IQCH: variants seen among roughly 807,000 people sequenced by gnomAD.
IQCH encodes the protein IQ motif containing H, also known as IQ domain-containing protein H.
IQCH carries 98 observed loss-of-function variants against 117.0 expected under a neutral mutation model. The observed-to-expected ratio is 0.84, with a 90% confidence interval of 0.71 to 0.99. The LOEUF (loss-of-function observed/expected upper bound fraction) is 0.99. Ranked by LOEUF, IQCH falls within the 50% of genes least tolerant of loss-of-function variation. IQCH has a pLI of 0.00. For synonymous variants in IQCH, 412 were observed against 448.2 expected, an observed-to-expected ratio of 0.92 and a Z score of 1.02; for missense variants, 1,102 against 1,243.8, an observed-to-expected ratio of 0.89 and a Z score of 1.72.
intron 4 of IQCH, among the ~76,000 whole-genome samples, chr15:67,323,590 T>C (rs1448693910): frequency 1.3e-5 from 2 of 152,166 alleles, no homozygotes; most frequent in Non-Finnish European, 2.9e-5. Context: ...TTAAATCTTT[T>C]ATGGCTTTTA....
chr15:67,473,406 G>A lies in IQCH; in HGVS notation c.2677-2290G>A, dbSNP rs1257737410. 6.6e-6 allele frequency among the ~76,000 whole-genome samples: 1 copy of A among 152,176 alleles called. No homozygotes were observed. The highest frequency in any genetic ancestry group is 1.5e-5 in the Non-Finnish European group (1 of 68,040). Reference sequence around the variant, plus strand: ...CCAATTATTCCTGCTTAGTCCACCAGAGCCATGCTGTCCTCCAGCAGGCAA... The same window carrying A: ...CCAATTATTCCTGCTTAGTCCACCAAAGCCATGCTGTCCTCCAGCAGGCAA... On this transcript the variant is annotated intron_variant, in intron 17 of 20. Coordinates refer to ENST00000335894, the MANE Select transcript of IQCH (RefSeq NM_001031715.3). This position sits in a 1 kb window ranked among gnomAD's most constrained non-coding sequence, Gnocchi z 4.9.
intron 5 of IQCH, among the ~76,000 whole-genome samples, chr15:67,343,056 TC>T (rs1393397026): frequency 6.6e-6 from 1 of 152,188 alleles, no homozygotes; most frequent in African/African-American, 2.4e-5. Flanking sequence ...CCTTCAGTGA[TC>T]ATTCTACTGA....
Position 67,279,479 on chromosome 15 carries a change from C to T in IQCH, c.354C>T (p.His118=). The change falls in exon 4 of 21, where the codon CAC becomes CAT. Residue 118 remains histidine (H), a synonymous_variant. Coordinates refer to ENST00000335894, the MANE Select transcript of IQCH (RefSeq NM_001031715.3). ...CATTTTGGCAACCCCAAAGACAGCACAGTTCATCTCTGCCTGTCTTTCCAA... is the reference window on the plus strand; with the variant it reads ...CATTTTGGCAACCCCAAAGACAGCATAGTTCATCTCTGCCTGTCTTTCCAA... The part of the protein sequence containing the change: ...EGTFWQPQRQ[H]SSSLPVFPRA... 6.2e-7 allele frequency: 1 copy of T among 1,604,108 alleles called. No individual in the cohort carries two copies. Among genetic ancestry groups the T allele is most frequent in the Non-Finnish European group, 8.5e-7 (1 of 1,173,538 alleles).
chr15:67,310,730 G>A (rs998792254), intron 4 of IQCH, among the ~76,000 whole-genome samples: 4 of 152,104 alleles, frequency 2.6e-5, no homozygotes, highest in African/African-American at 9.7e-5. Context: ...TACAATCTTT[G>A]ACAGTGCAAG....
In IQCH at chr15:67,443,890, GTAT is replaced by G. The variant is rs530676558; in HGVS notation, c.2506-21230_2506-21228del. 1.3e-5 allele frequency among the ~76,000 whole-genome samples: 2 copies of G among 152,174 alleles called. No individual in the cohort carries two copies. The highest frequency in any genetic ancestry group is 2.9e-5 in the Non-Finnish European group (2 of 68,032). On this transcript the variant is annotated intron_variant, in intron 16 of 20. Coordinates refer to ENST00000335894, the MANE Select transcript of IQCH (RefSeq NM_001031715.3). This position sits in a 1 kb window ranked among gnomAD's most constrained non-coding sequence, Gnocchi z 5.0. ...AACCCTAATCTTCACATCCTGAGAA[GTAT>G]TATTATCCCTAATTTACAAATGAGG... is the stretch of plus-strand genomic sequence containing the variant.
rs1046411900 is a variant in IQCH, at chr15:67,457,452, A to G, written c.2506-7675A>G. On this transcript the variant is annotated intron_variant, in intron 16 of 20. Transcript: ENST00000335894. The surrounding 1 kb of genome is among the most constrained non-coding windows in gnomAD (Gnocchi z 5.7). Reference sequence around the variant, plus strand: ...GGCCTGTATTTAAATAGCATCTGCAAAGAGTTAAATGTGCTCCCTGTCTCT... The same window carrying G: ...GGCCTGTATTTAAATAGCATCTGCAGAGAGTTAAATGTGCTCCCTGTCTCT... Among the ~76,000 whole-genome samples, 1 of 152,232 alleles carries G rather than the reference A, an allele frequency of 6.6e-6. No individual in the cohort carries two copies. The highest frequency in any genetic ancestry group is 1.5e-5 in the Non-Finnish European group (1 of 68,038).
At chr15:67,274,882 C>G (rs1029128496) in intron 3 of IQCH, among the ~76,000 whole-genome samples, 3 of 152,098 alleles carry the variant, frequency 2.0e-5, no homozygotes, top group African/African-American at 7.2e-5. Flanking sequence ...TAGATGGCAA[C>G]TTAAGCCCGG....
rs1377869795 is a variant in IQCH at position 67,458,497 on chromosome 15, C to T, written c.2506-6630C>T. ...ACTGGACTCCCTGTTTCCATCCTTG[C>T]CCCCTCAGGGCCTCTTGTCAATGCA... On this transcript the variant is annotated intron_variant, in intron 16 of 20. Transcript: ENST00000335894. This position sits in a 1 kb window ranked among gnomAD's most constrained non-coding sequence, Gnocchi z 4.1. Among the ~76,000 whole-genome samples, 1 of 152,240 alleles carries T rather than the reference C, an allele frequency of 6.6e-6. No individual in the cohort carries two copies. Among genetic ancestry groups the T allele is most frequent in the Non-Finnish European group, 1.5e-5 (1 of 68,046 alleles).
intron 4 of IQCH, among the ~76,000 whole-genome samples, chr15:67,300,098 G>T (rs1966950959): frequency 6.6e-6 from 1 of 151,930 alleles, no homozygotes; most frequent in Non-Finnish European, 1.5e-5. Context: ...CAACTCTTTG[G>T]TGACTCTGAA....
At chr15:67,280,381 C>T (rs1159156869) in intron 4 of IQCH, among the ~76,000 whole-genome samples, 1 of 152,230 alleles carries the variant, frequency 6.6e-6, no homozygotes, top group Non-Finnish European at 1.5e-5. Flanking sequence ...ATACCATAAA[C>T]TGAGTGGCTT....
At chr15:67,335,203 CAG>C (rs1164130192) in intron 4 of IQCH, among the ~76,000 whole-genome samples, 18 of 152,278 alleles carry the variant, frequency 1.2e-4, no homozygotes, top group African/African-American at 3.6e-4. Flanking sequence ...GATTGCCTGA[CAG>C]AGTCTGAACA....
chr15:67,333,217 C>T (rs964784673), intron 4 of IQCH, among the ~76,000 whole-genome samples: 1 of 152,202 alleles, frequency 6.6e-6, no homozygotes, highest in South Asian at 2.1e-4. Flanking sequence ...AGGAGGGACA[C>T]TAACTTTCAG....
At chr15:67,274,035 GATTA>G (rs1271694130) in intron 3 of IQCH, among the ~76,000 whole-genome samples, 1 of 152,164 alleles carries the variant, frequency 6.6e-6, no homozygotes, top group East Asian at 1.9e-4. Context: ...TCGTTTGCCA[GATTA>G]ATTAGAGCTC....
Position 67,476,606 on chromosome 15 carries a change from G to A in IQCH, c.2799+788G>A, listed in dbSNP as rs184494397. Among the ~76,000 whole-genome samples the A allele has an allele frequency of 3.9e-4, 60 of 152,166 alleles. No individual in the cohort carries two copies. Among genetic ancestry groups the A allele is most frequent in the East Asian group, 3.1e-3 (16 of 5,184 alleles). ...CTTTTGGTCTATTTCCAATGATACC[G>A]GGGGCCCCTGCATAGCTGCTTTATC... On this transcript the variant is annotated intron_variant, in intron 18 of 20. Transcript: ENST00000335894. This position sits in a 1 kb window ranked among gnomAD's most constrained non-coding sequence, Gnocchi z 4.1.
chr15:67,383,072 G>A (rs935800580), intron 10 of IQCH, among the ~76,000 whole-genome samples: 1 of 151,266 alleles, frequency 6.6e-6, no homozygotes, highest in African/African-American at 2.4e-5. Context: ...GTTGTATCTT[G>A]TCCATGTAGA....
intron 4 of IQCH, among the ~76,000 whole-genome samples, chr15:67,300,696 G>A (rs1966982931): frequency 6.6e-6 from 1 of 152,154 alleles, no homozygotes; most frequent in African/African-American, 2.4e-5. Flanking sequence ...TGATTACTCT[G>A]TGTGGGATCT....
At position 67,457,445 on chromosome 15, in the gene IQCH, A is replaced by G. The variant is rs1384547629; in HGVS notation, c.2506-7682A>G. On this transcript the variant is annotated intron_variant, in intron 16 of 20. Transcript: ENST00000335894. This position sits in a 1 kb window ranked among gnomAD's most constrained non-coding sequence, Gnocchi z 5.7. Reference sequence around the variant, plus strand: ...ATTCTGAGGCCTGTATTTAAATAGCATCTGCAAAGAGTTAAATGTGCTCCC... The same window carrying G: ...ATTCTGAGGCCTGTATTTAAATAGCGTCTGCAAAGAGTTAAATGTGCTCCC... 6.6e-6 allele frequency among the ~76,000 whole-genome samples: 1 copy of G among 152,236 alleles called. No individual in the cohort carries two copies. Among genetic ancestry groups the G allele is most frequent in the Non-Finnish European group, 1.5e-5 (1 of 68,042 alleles).
Position 67,433,366 on chromosome 15 carries a change from C to T in IQCH, c.2505+11789C>T, listed in dbSNP as rs2082058218. ...ATAGTGCAGGTAAACTAGTGGCCAA[C>T]TTTGCTATGTATATATTACCATTTG... On this transcript the variant is annotated intron_variant, in intron 16 of 20. Transcript: ENST00000335894. This position sits in a 1 kb window ranked among gnomAD's most constrained non-coding sequence, Gnocchi z 5.4. Among the ~76,000 whole-genome samples the T allele has an allele frequency of 6.6e-6, 1 of 152,184 alleles. No individual in the cohort carries two copies. The highest frequency in any genetic ancestry group is 2.4e-5 in the African/African-American group (1 of 41,436).
At chr15:67,396,838 T>C (rs1050133809) in intron 13 of IQCH, among the ~76,000 whole-genome samples, 1 of 152,236 alleles carries the variant, frequency 6.6e-6, no homozygotes, top group Non-Finnish European at 1.5e-5. Flanking sequence ...CAGAGATTAG[T>C]TTGAAGATAC....
Sources: gnomAD v4.1 joint callset for allele counts (sites outside exome capture counted in the v4.1 genomes callset) on GRCh38, gnomAD v4.1.1 for gene constraint, Gnocchi (gnomAD v3.1) non-coding constraint, MANE v1.5 for transcripts, NCBI Gene and HGNC (gene_info 2026-07-23, HGNC 2026-07-21) for gene names.